The following EFCAB11 variants were observed in gnomAD, a reference collection of about 807,000 sequenced individuals.
EFCAB11 encodes the protein EF-hand calcium-binding domain-containing protein 11.
Under a neutral mutation model 23.0 loss-of-function variants are expected in EFCAB11, and 14 were observed. The ratio of observed to expected loss-of-function variants is 0.61; its 90% CI spans 0.40 to 0.95. The LOEUF (loss-of-function observed/expected upper bound fraction) is 0.95. Among genes scored for constraint, EFCAB11 ranks in the 40% least tolerant of loss-of-function variants. The pLI, the probability that EFCAB11 is intolerant of heterozygous loss-of-function variation, is 0.00. For missense variants in EFCAB11, 198 were observed against 195.8 expected (o/e 1.01, Z -0.07); for synonymous variants, 65 against 66.6 (o/e 0.98, Z 0.11).
chr14:89,853,432 T>C (rs564511625), intron 5 of EFCAB11, among the ~76,000 whole-genome samples: 4 of 152,332 alleles, frequency 2.6e-5, no homozygotes, highest in South Asian at 4.1e-4. Flanking sequence ...ACTTGCATTA[T>C]GTCACTGAAT....
rs766226044 is a variant in EFCAB11 at position 89,931,581 on chromosome 14, C to A, written c.370G>T (p.Ala124Ser). 1.9e-6 allele frequency: 3 copies of A among 1,614,084 alleles called. No individual in the cohort carries two copies. The change falls in exon 5 of 6, where the codon GCT (alanine) becomes TCT (serine). Residue 124 changes from alanine (A) to serine (S), a missense_variant. Transcript: ENST00000316738. The part of the protein sequence containing the change: ...EDFKKAFRQV[A>S]PKLPERTVLE... ...ACAGTCCTTTCCGGTAATTTGGGAG[C>A]CACCTGCCTAAATGCTTTTTTGAAA...
intron 5 of EFCAB11, among the ~76,000 whole-genome samples, chr14:89,838,013 T>C (rs532128447): frequency 6.6e-6 from 1 of 152,342 alleles, no homozygotes; most frequent in Non-Finnish European, 1.5e-5. Flanking sequence ...TCCCAAGCTA[T>C]GCCTAACTTA....
intron 3 of EFCAB11, among the ~76,000 whole-genome samples, chr14:89,933,584 T>C (rs1002169795): frequency 6.6e-6 from 1 of 152,252 alleles, no homozygotes; most frequent in Non-Finnish European, 1.5e-5. Context: ...TTTAAAGATT[T>C]ATAAACTGAA....
chr14:89,802,371 TTTTTAA>T lies in EFCAB11; in HGVS notation c.411-5053_411-5048del, dbSNP rs773799698. Reference sequence around the variant, plus strand: ...CGCATCATCATTGCAATGTTTTCGTTTTTTAATTTTAATTTTAATTAATTAATTAAT... The same window carrying T: ...CGCATCATCATTGCAATGTTTTCGTTTTTTAATTTTAATTAATTAATTAAT... On this transcript the variant is annotated intron_variant, in intron 5 of 5. Transcript: ENST00000316738. Among the ~76,000 whole-genome samples, 13 of 152,170 alleles carry T rather than the reference TTTTTAA, an allele frequency of 8.5e-5. No homozygotes were observed. In the South Asian group the frequency reaches 1.0e-3, roughly 12 times the overall value.
chr14:89,928,180 G>C (rs950478544), intron 5 of EFCAB11, among the ~76,000 whole-genome samples: 2 of 152,130 alleles, frequency 1.3e-5, no homozygotes, highest in African/African-American at 4.8e-5. Flanking sequence ...GGAAGTACAA[G>C]ATTTGTGGGC....
intron 5 of EFCAB11, among the ~76,000 whole-genome samples, chr14:89,849,606 G>GTTTTTT (rs55668769): frequency 6.5e-5 from 8 of 123,336 alleles, no homozygotes; most frequent in Non-Finnish European, 1.1e-4. Flanking sequence ...AAGGAAATCT[G>GTTTTTT]TTTTTTTTTT....
At chr14:89,838,095 C>A (rs1887144713) in intron 5 of EFCAB11, among the ~76,000 whole-genome samples, 1 of 152,018 alleles carries the variant, frequency 6.6e-6, no homozygotes, top group African/African-American at 2.4e-5. Flanking sequence ...CTTTATAGGG[C>A]AAATCTGTAG....
intron 5 of EFCAB11, among the ~76,000 whole-genome samples, chr14:89,823,651 A>C (rs1175300527): frequency 2.6e-5 from 4 of 152,248 alleles, no homozygotes; most frequent in African/African-American, 9.6e-5. Context: ...CAACAAAGCC[A>C]ATAGAATTAG....
intron 5 of EFCAB11, among the ~76,000 whole-genome samples, chr14:89,846,195 T>C (rs978292899): frequency 6.6e-6 from 1 of 152,224 alleles, no homozygotes; most frequent in Non-Finnish European, 1.5e-5. Context: ...CTATTAGTAT[T>C]ATTAGCATTA....
At chr14:89,917,953 G>C (rs1031596773) in intron 5 of EFCAB11, among the ~76,000 whole-genome samples, 2 of 152,148 alleles carry the variant, frequency 1.3e-5, no homozygotes, top group Non-Finnish European at 2.9e-5. Context: ...AATGAAAGCT[G>C]GGGAAGAGCG....
intron 5 of EFCAB11, among the ~76,000 whole-genome samples, chr14:89,897,269 G>A (rs141643113): frequency 2.8e-4 from 42 of 148,452 alleles, no homozygotes; most frequent in African/African-American, 1.1e-3. Flanking sequence ...GTGCAGTGGC[G>A]TGATCTTCGC....
intron 5 of EFCAB11, chr14:89,892,501 G>T (rs1446009662): frequency 7.4e-7 from 1 of 1,348,192 alleles, no homozygotes; most frequent in Non-Finnish European, 1.0e-6. Context: ...GTGGGATGGG[G>T]AATGTTAGTA....
At chr14:89,934,875 T>C (rs1481123542) in intron 3 of EFCAB11, among the ~76,000 whole-genome samples, 1 of 152,180 alleles carries the variant, frequency 6.6e-6, no homozygotes, top group African/African-American at 2.4e-5. Flanking sequence ...ATGTATTCAC[T>C]GATAATGGCA....
chr14:89,818,146 A>G (rs1234280247), intron 5 of EFCAB11, among the ~76,000 whole-genome samples: 3 of 152,228 alleles, frequency 2.0e-5, no homozygotes, highest in African/African-American at 2.4e-5. Flanking sequence ...TTATAACTCT[A>G]TAACAATAAT....
At chr14:89,918,816 C>T (rs1441531154) in intron 5 of EFCAB11, among the ~76,000 whole-genome samples, 1 of 151,724 alleles carries the variant, frequency 6.6e-6, no homozygotes, top group East Asian at 1.9e-4. Flanking sequence ...AAGAGGGCAG[C>T]CACAGGTACA....
At chr14:89,930,894 C>A (rs975533576) in intron 5 of EFCAB11, 1 of 152,234 alleles carries the variant, frequency 6.6e-6, no homozygotes, top group Non-Finnish European at 1.5e-5. Context: ...GAAGAGACAG[C>A]TCTGCTGTGT....
intron 5 of EFCAB11, among the ~76,000 whole-genome samples, chr14:89,913,408 A>G (rs988656972): frequency 2.6e-5 from 4 of 152,228 alleles, no homozygotes; most frequent in African/African-American, 7.2e-5. Context: ...GTTTTGATCC[A>G]GGTCTATGTA....
At chr14:89,923,622 T>G in intron 5 of EFCAB11, 2 of 905,694 alleles carry the variant, frequency 2.2e-6, no homozygotes, top group Non-Finnish European at 2.6e-6. Flanking sequence ...TGAAATATGA[T>G]TTGTAGGTGT....
At chr14:89,888,742 C>T (rs1404187564) in intron 5 of EFCAB11, among the ~76,000 whole-genome samples, 2 of 152,180 alleles carry the variant, frequency 1.3e-5, no homozygotes, top group Non-Finnish European at 1.5e-5. Flanking sequence ...GGGCCCTCCC[C>T]AGACTCCAGA....
Sources: gnomAD v4.1 joint callset for allele counts (sites outside exome capture counted in the v4.1 genomes callset) on GRCh38, gnomAD v4.1.1 for gene constraint, MANE v1.5 for transcripts, NCBI Gene and HGNC (gene_info 2026-07-23, HGNC 2026-07-21) for gene names.